FAXDC2: variants seen among roughly 807,000 people sequenced by gnomAD.
The protein encoded by FAXDC2 is fatty acid hydroxylase domain containing 2.
In FAXDC2, 41 loss-of-function variants were observed where a neutral mutation model predicts 40.9. That is an observed-to-expected ratio of 1.00 (90% CI 0.78 to 1.30). FAXDC2 has a LOEUF of 1.30. Among genes scored for constraint, FAXDC2 ranks in the 50% most tolerant of loss-of-function variants. The pLI is 0.00. For synonymous variants in FAXDC2, 157 were observed against 149.3 expected (o/e 1.05, Z -0.38); for missense variants, 390 against 408.8 (o/e 0.95, Z 0.40).
chr5:154,832,137 A>G (rs1043517255), intron 4 of FAXDC2, among the ~76,000 whole-genome samples: 8 of 152,184 alleles, frequency 5.3e-5, no homozygotes, highest in Non-Finnish European at 1.5e-5. Context: ...AAGGTAAGAC[A>G]GTGGGTGATT....
At chr5:154,845,974 A>AT (rs942959676) in intron 1 of FAXDC2, among the ~76,000 whole-genome samples, 41 of 148,464 alleles carry the variant, frequency 2.8e-4, no homozygotes, top group South Asian at 2.3e-3. Flanking sequence ...ATATATATAT[A>AT]TTTTTTTTTA....
Position 154,820,413 on chromosome 5 carries a change from A to G in FAXDC2, c.905T>C (p.Met302Thr), listed in dbSNP as rs1759854234. ...VLDHLHGTDT[M>T]FKQTKAYERH... ...CTCGTAGGCCTTGGTCTGCTTGAAC[A>G]TGGTGTCAGTCCCATGGAGGTGGTC... Residue 302 changes from methionine (M) to threonine (T), a missense_variant, in exon 9 of 9, where the codon ATG becomes ACG. Physicochemically the swap from Met to Thr is moderately conservative, Grantham distance 81. Coordinates refer to ENST00000326080, the MANE Select transcript of FAXDC2 (RefSeq NM_032385.5). 1.9e-6 allele frequency: 3 copies of G among 1,613,022 alleles called. No individual in the cohort carries two copies. The highest frequency in any genetic ancestry group is 2.2e-5 in the South Asian group (2 of 91,050).
chr5:154,824,688 T>C (rs1340906374), intron 5 of FAXDC2: 5 of 638,572 alleles, frequency 7.8e-6, no homozygotes, highest in Non-Finnish European at 1.4e-5. Flanking sequence ...TATGTAGCAC[T>C]CAGTGTACTG....
chr5:154,820,584 A>G (rs1390746631), intron 8 of FAXDC2, 112 bp from the exon 9 acceptor site: 1 of 800,558 alleles, frequency 1.2e-6, no homozygotes, highest in Admixed American at 3.0e-5. Flanking sequence ...CACACCTGTC[A>G]CCACCATCCT....
intron 4 of FAXDC2, among the ~76,000 whole-genome samples, chr5:154,834,108 GTGAA>G (rs1256381548): frequency 1.3e-5 from 2 of 149,692 alleles, no homozygotes; most frequent in Admixed American, 6.7e-5. Flanking sequence ...TATTATTTGA[GTGAA>G]TGTATGATCG....
At chr5:154,826,435 A>G (rs1326180312) in intron 5 of FAXDC2, among the ~76,000 whole-genome samples, 1 of 151,758 alleles carries the variant, frequency 6.6e-6, no homozygotes, top group African/African-American at 2.4e-5. Context: ...AGGCTGAGGC[A>G]GGAGAATCGC....
At chr5:154,844,351 C>A (rs2113169576) in intron 1 of FAXDC2, among the ~76,000 whole-genome samples, 2 of 150,446 alleles carry the variant, frequency 1.3e-5, no homozygotes, top group Middle Eastern at 6.8e-3. Context: ...CACTGCACTC[C>A]TGCCTGGATG....
chr5:154,837,487 A>G (rs575323893), intron 2 of FAXDC2, among the ~76,000 whole-genome samples: 2 of 152,096 alleles, frequency 1.3e-5, no homozygotes, highest in East Asian at 3.9e-4. Flanking sequence ...TAGACTGGTG[A>G]CCTTGGGCTT....
chr5:154,820,924 A>G (rs755139508), intron 8 of FAXDC2: 1 of 304,944 alleles, frequency 3.3e-6, no homozygotes, highest in Non-Finnish European at 6.3e-6. Context: ...TGTAGACTAC[A>G]CTTGAAAAAG....
intron 1 of FAXDC2, 80 bp downstream of exon 1, chr5:154,850,403 T>C (rs1316545756): frequency 1.3e-5 from 2 of 152,198 alleles, no homozygotes; most frequent in Non-Finnish European, 2.9e-5. Flanking sequence ...GGAAGAGTGT[T>C]GTTTTGCCCT....
chr5:154,834,488 C>T, intron 4 of FAXDC2, 137 bp downstream of exon 4: 1 of 649,750 alleles, frequency 1.5e-6, no homozygotes, highest in Non-Finnish European at 2.6e-6. Flanking sequence ...TTTGGGACTA[C>T]CACTTTTTTG....
intron 2 of FAXDC2, among the ~76,000 whole-genome samples, chr5:154,837,078 A>G (rs188756305): frequency 6.6e-6 from 1 of 152,154 alleles, no homozygotes; most frequent in East Asian, 1.9e-4. Context: ...TCTTCTCAGC[A>G]TTATCCTATC....
chr5:154,829,493 C>T (rs987716781), intron 5 of FAXDC2: 3 of 154,256 alleles, frequency 1.9e-5, no homozygotes, highest in Non-Finnish European at 4.4e-5. Context: ...ATGGGATGAG[C>T]CCTGGCTCTG....
chr5:154,843,536 A>G (rs1760530007), intron 1 of FAXDC2, among the ~76,000 whole-genome samples: 1 of 152,236 alleles, frequency 6.6e-6, no homozygotes. Context: ...CAGGTAGGAG[A>G]TCTGGTACAC....
intron 8 of FAXDC2, chr5:154,820,997 G>C: frequency 2.2e-6 from 1 of 445,356 alleles, no homozygotes; most frequent in South Asian, 3.0e-5. Flanking sequence ...ATGCATATAT[G>C]TACTTTTCTA....
intron 5 of FAXDC2, among the ~76,000 whole-genome samples, chr5:154,828,470 C>T (rs1452796095): frequency 1.3e-5 from 2 of 152,068 alleles, no homozygotes; most frequent in Non-Finnish European, 2.9e-5. Flanking sequence ...AGGAATCACC[C>T]ACAGACAGGA....
At chr5:154,841,262 G>A (rs1356917404) in intron 1 of FAXDC2, among the ~76,000 whole-genome samples, 1 of 152,180 alleles carries the variant, frequency 6.6e-6, no homozygotes, top group African/African-American at 2.4e-5. Context: ...GGAAGCTACT[G>A]AGGCTTGTAA....
At chr5:154,835,167 G>A in intron 2 of FAXDC2, 1 of 481,656 alleles carries the variant, frequency 2.1e-6, no homozygotes, top group Non-Finnish European at 3.7e-6. Context: ...TTGGGGGAGG[G>A]AAGGGAATTA....
chr5:154,830,105 A>T (rs1760150932), intron 5 of FAXDC2, among the ~76,000 whole-genome samples: 1 of 152,210 alleles, frequency 6.6e-6, no homozygotes, highest in African/African-American at 2.4e-5. Context: ...TTGTCTGGGA[A>T]AGAAGCCAGG....
Sources: gnomAD v4.1 joint callset for allele counts (sites outside exome capture counted in the v4.1 genomes callset) on GRCh38, gnomAD v4.1.1 for gene constraint, MANE v1.5 for transcripts, NCBI Gene and HGNC (gene_info 2026-07-23, HGNC 2026-07-21) for gene names.